Variants in FAR2 observed in about 807,000 individuals in gnomAD.
The protein encoded by FAR2 is epididymis secretory protein Li 81.
Under a neutral mutation model 56.0 loss-of-function variants are expected in FAR2, and 19 were observed. That is an observed-to-expected ratio of 0.34 (90% CI 0.24 to 0.50). The LOEUF (loss-of-function observed/expected upper bound fraction) is 0.50, where lower values mean the gene tolerates loss of function less well. FAR2 is among the 20% of genes least tolerant of loss of function. The pLI is 0.98. For missense variants in FAR2, 508 were observed against 642.2 expected (o/e 0.79, Z 2.26); for synonymous variants, 219 against 218.8 (o/e 1.00, Z -0.01).
intron 1 of FAR2, among the ~76,000 whole-genome samples, chr12:29,166,745 G>C (rs1375759225): frequency 6.6e-6 from 1 of 152,170 alleles, no homozygotes; most frequent in Non-Finnish European, 1.5e-5. Flanking sequence ...CATTGCTCCA[G>C]ACAGCTATAT....
intron 1 of FAR2, among the ~76,000 whole-genome samples, chr12:29,247,358 T>C (rs1010895598): frequency 6.6e-6 from 1 of 152,176 alleles, no homozygotes; most frequent in Admixed American, 6.5e-5. Flanking sequence ...ATTAACAAAT[T>C]CTCTTAATCC....
At chr12:29,262,746 C>A (rs1343256547) in intron 1 of FAR2, among the ~76,000 whole-genome samples, 3 of 152,010 alleles carry the variant, frequency 2.0e-5, no homozygotes, top group Admixed American at 6.6e-5. Context: ...GAGAAGACCA[C>A]AAAACAACCA....
intron 1 of FAR2, among the ~76,000 whole-genome samples, chr12:29,219,799 T>C (rs1412437222): frequency 6.6e-6 from 1 of 152,184 alleles, no homozygotes; most frequent in Admixed American, 6.5e-5. Flanking sequence ...GATATCATCG[T>C]TTTCCTTTAT....
intron 10 of FAR2, among the ~76,000 whole-genome samples, chr12:29,329,222 A>C (rs1265200711): frequency 6.6e-6 from 1 of 152,210 alleles, no homozygotes; most frequent in East Asian, 1.9e-4. Flanking sequence ...TAAATCAAAA[A>C]CAAATCAACA....
chr12:29,177,116 G>A lies in FAR2; in HGVS notation c.-39+27709G>A, dbSNP rs574815908. Among the ~76,000 whole-genome samples, 18 of 152,260 alleles carry A rather than the reference G, an allele frequency of 1.2e-4. No homozygotes were observed. In the South Asian group the frequency reaches 1.7e-3, roughly 14 times the overall value. ...TGCATTCGATTTAAATAAATAACCC[G>A]ATTACGAGCCTGAGGAAGTTTATGA... On this transcript the variant is annotated intron_variant, in intron 1 of 11. Coordinates refer to ENST00000536681, the MANE Select transcript of FAR2 (RefSeq NM_001271783.2).
chr12:29,189,582 G>T (rs1317091467), intron 1 of FAR2, among the ~76,000 whole-genome samples: 1 of 151,994 alleles, frequency 6.6e-6, no homozygotes, highest in Non-Finnish European at 1.5e-5. Flanking sequence ...ATTGACTCTA[G>T]GCCCTCTCAG....
intron 1 of FAR2, among the ~76,000 whole-genome samples, chr12:29,165,412 A>G (rs1949816474): frequency 6.6e-6 from 1 of 152,232 alleles, no homozygotes; most frequent in South Asian, 2.1e-4. Context: ...CCCAGGGATC[A>G]CAGACGAGGA....
chr12:29,181,004 A>G (rs543065054), intron 1 of FAR2, among the ~76,000 whole-genome samples: 1 of 152,206 alleles, frequency 6.6e-6, no homozygotes, highest in East Asian at 1.9e-4. Flanking sequence ...TACATAATCA[A>G]TATATGTTGT....
At chr12:29,316,432 G>A (rs890194439) in intron 8 of FAR2, among the ~76,000 whole-genome samples, 4 of 152,164 alleles carry the variant, frequency 2.6e-5, no homozygotes, top group Admixed American at 2.0e-4. Flanking sequence ...CAAATAAAAT[G>A]TTAAGAAACT....
chr12:29,150,337 G>A (rs1266681422), intron 1 of FAR2, among the ~76,000 whole-genome samples: 2 of 152,214 alleles, frequency 1.3e-5, no homozygotes. Flanking sequence ...ATCTGCAAGA[G>A]TTTGGCCACT....
intron 1 of FAR2, among the ~76,000 whole-genome samples, chr12:29,166,278 A>T (rs1261081801): frequency 6.6e-6 from 1 of 152,216 alleles, no homozygotes; most frequent in African/African-American, 2.4e-5. Flanking sequence ...TTTAATATCT[A>T]TATCTATACA....
At chr12:29,285,948 T>TA (rs1485297883) in intron 2 of FAR2, among the ~76,000 whole-genome samples, 3 of 152,062 alleles carry the variant, frequency 2.0e-5, no homozygotes, top group Admixed American at 1.3e-4. Context: ...CTAATTTCAT[T>TA]AAAAAAAGTT....
chr12:29,190,723 A>C (rs919179020), intron 1 of FAR2, among the ~76,000 whole-genome samples: 2 of 152,012 alleles, frequency 1.3e-5, no homozygotes, highest in African/African-American at 4.8e-5. Context: ...TCGGCCTCCC[A>C]AAGTGCTGGG....
intron 4 of FAR2, among the ~76,000 whole-genome samples, chr12:29,299,213 C>CAAAAAAAAA (rs71042981): frequency 9.7e-5 from 10 of 103,550 alleles, no homozygotes; most frequent in African/African-American, 2.3e-4. Context: ...AACTTTGTCT[C>CAAAAAAAAA]AAAAAAAAAA....
chr12:29,226,915 G>A (rs1947777858), intron 1 of FAR2, among the ~76,000 whole-genome samples: 1 of 152,210 alleles, frequency 6.6e-6, no homozygotes. Context: ...CCATTTGTAA[G>A]ATGGTAAGCA....
intron 4 of FAR2, among the ~76,000 whole-genome samples, chr12:29,299,369 TC>T (rs1949123638): frequency 6.6e-6 from 1 of 152,078 alleles, no homozygotes; most frequent in African/African-American, 2.4e-5. Context: ...TAAACTCACC[TC>T]CCAGAGGAAG....
At chr12:29,250,075 T>C (rs11050151) in intron 1 of FAR2, among the ~76,000 whole-genome samples, 1 of 152,098 alleles carries the variant, frequency 6.6e-6, no homozygotes, top group African/African-American at 2.4e-5. Context: ...GATTCATTCA[T>C]TCATTGATTC....
chr12:29,196,888 A>C (rs1950148661), intron 1 of FAR2, among the ~76,000 whole-genome samples: 1 of 152,206 alleles, frequency 6.6e-6, no homozygotes. Context: ...TAGAATCTAC[A>C]AGGGACACAG....
intron 2 of FAR2, among the ~76,000 whole-genome samples, chr12:29,290,581 T>G (rs1327507675): frequency 1.3e-5 from 2 of 152,190 alleles, no homozygotes; most frequent in East Asian, 3.8e-4. Flanking sequence ...TCACACTAGC[T>G]AAGATTTGGA....
Sources: gnomAD v4.1 joint callset for allele counts (sites outside exome capture counted in the v4.1 genomes callset) on GRCh38, gnomAD v4.1.1 for gene constraint, MANE v1.5 for transcripts, NCBI Gene and HGNC (gene_info 2026-07-23, HGNC 2026-07-21) for gene names.